Variants in SP140L observed in about 807,000 individuals in gnomAD.
The protein encoded by SP140L is SP140 like nuclear body protein.
In SP140L, 64 loss-of-function variants were observed where a neutral mutation model predicts 84.3. That is an observed-to-expected ratio of 0.76 (90% CI 0.62 to 0.94). The LOEUF (loss-of-function observed/expected upper bound fraction) is 0.94. SP140L is among the 40% of genes least tolerant of loss of function. SP140L has a pLI of 0.00. For missense variants in SP140L, 628 were observed against 692.5 expected (o/e 0.91, Z 1.05); for synonymous variants, 242 against 236.9 (o/e 1.02, Z -0.20).
intron 2 of SP140L, among the ~76,000 whole-genome samples, chr2:230,339,365 C>T (rs1424555707): frequency 2.4e-4 from 36 of 151,638 alleles, no homozygotes; most frequent in African/African-American, 5.3e-4. Flanking sequence ...TTTTTTATTG[C>T]GTCTATTTGA....
intron 5 of SP140L, among the ~76,000 whole-genome samples, chr2:230,363,644 T>C (rs950633744): frequency 6.6e-6 from 1 of 152,196 alleles, no homozygotes; most frequent in Admixed American, 6.5e-5. Context: ...CTGCTGATTG[T>C]TTCCTTGCCC....
intron 2 of SP140L, among the ~76,000 whole-genome samples, chr2:230,349,612 C>A (rs1300243935): frequency 6.6e-6 from 1 of 152,116 alleles, no homozygotes; most frequent in Admixed American, 6.5e-5. Context: ...ATTTTGCCTA[C>A]CTTTAATTTT....
At chr2:230,352,211 A>G (rs1162067521) in intron 2 of SP140L, among the ~76,000 whole-genome samples, 2 of 152,110 alleles carry the variant, frequency 1.3e-5, no homozygotes, top group African/African-American at 2.4e-5. Context: ...AAGAACTAGT[A>G]AGTTTTATAT....
At chr2:230,368,144 T>A (rs1282162275) in intron 5 of SP140L, among the ~76,000 whole-genome samples, 1 of 152,240 alleles carries the variant, frequency 6.6e-6, no homozygotes, top group African/African-American at 2.4e-5. Flanking sequence ...CCTTTAGTAT[T>A]TCTTGTAAAG....
intron 13 of SP140L, among the ~76,000 whole-genome samples, chr2:230,395,114 G>A (rs1178459462): frequency 1.3e-5 from 2 of 152,046 alleles, no homozygotes; most frequent in African/African-American, 2.4e-5. Context: ...GATTACAGGT[G>A]CCTGTCACCA....
In SP140L at chr2:230,352,185, TTATG is replaced by T. The variant is rs1390706190; in HGVS notation, c.108-5618_108-5615del. Among the ~76,000 whole-genome samples, 17 of 152,304 alleles carry T rather than the reference TTATG, an allele frequency of 1.1e-4. No individual in the cohort carries two copies. In the South Asian group the frequency reaches 3.3e-3, roughly 30 times the overall value. ...ATTTAGTCTGAGTATTTTTTTTAAC[TTATG>T]TCTTTCCAAATAAGAACTAGTAAGT... On this transcript the variant is annotated intron_variant, in intron 2 of 18. Coordinates refer to ENST00000415673, the MANE Select transcript of SP140L (RefSeq NM_138402.6).
Position 230,396,784 on chromosome 2 carries a change from T to A in SP140L, c.1183T>A (p.Ser395Thr), listed in dbSNP as rs779786941. 1 of 1,614,046 alleles carries A rather than the reference T, an allele frequency of 6.2e-7. No individual in the cohort carries two copies. Among genetic ancestry groups the A allele is most frequent in the Non-Finnish European group, 8.5e-7 (1 of 1,179,922 alleles). The change falls in exon 14 of 19, where the codon TCA becomes ACA. Residue 395 changes from serine to threonine, a missense_variant. Physicochemically the swap from Ser to Thr is moderately conservative, Grantham distance 58. Around this residue, in one of 4 missense-constraint regions of SP140L, gnomAD observed 525 missense variants for 518.4 expected, o/e 1.01. Coordinates refer to ENST00000415673, the MANE Select transcript of SP140L (RefSeq NM_138402.6). ...KRILKSQNNS[S>T]VDPCMRNLDE... ...AATACTGAAGTCTCAAAACAATAGC[T>A]CAGTTGACCCTTGTGTAAGTATAAA...
chr2:230,401,910 C>T (rs1318127365), intron 18 of SP140L, 103 bp downstream of exon 18: 107 of 1,236,286 alleles, frequency 8.7e-5, no homozygotes, highest in East Asian at 3.5e-4. Context: ...TAAGCTTGCA[C>T]GAGCAAGGGT....
chr2:230,366,710 C>CATTATTATTAT lies in SP140L; in HGVS notation c.524-4198_524-4197insATTATTATTAT, dbSNP rs1553620448. Among the ~76,000 whole-genome samples the CATTATTATTAT allele has an allele frequency of 4.5e-3, 656 of 144,568 alleles. 4 individuals carry two copies. Among genetic ancestry groups the CATTATTATTAT allele is most frequent in the African/African-American group, 9.2e-3 (365 of 39,590 alleles). 94.8% of individuals were successfully genotyped at this position (144,568 alleles called of 152,430 possible). A position where few individuals can be genotyped will look rare whatever the true frequency, so the allele number is the denominator to read the frequency against. The stretch of plus-strand genomic sequence containing the variant: ...TTCTGGTTGTTTTGTGGATTATTAT[C>CATTATTATTAT]TATTATTATTATTATTATTATTATT... On this transcript the variant is annotated intron_variant, in intron 5 of 18. Coordinates refer to ENST00000415673, the MANE Select transcript of SP140L (RefSeq NM_138402.6).
chr2:230,373,114 A>G (rs57647139), intron 7 of SP140L, among the ~76,000 whole-genome samples: 3,923 of 152,332 alleles, frequency 0.026, 183 homozygotes, highest in African/African-American at 0.089. Context: ...TGAAGGTAAC[A>G]CCAGTTGGTT....
intron 2 of SP140L, among the ~76,000 whole-genome samples, chr2:230,342,363 C>T (rs1020155948): frequency 4.6e-5 from 7 of 152,210 alleles, no homozygotes; most frequent in South Asian, 2.1e-4. Flanking sequence ...GCGCACGGTG[C>T]GTGCACCCAC....
chr2:230,383,672 T>C (rs2061480399), intron 8 of SP140L, 97 bp downstream of exon 8: 2 of 1,173,810 alleles, frequency 1.7e-6, no homozygotes, highest in Admixed American at 4.6e-5. Flanking sequence ...GCCAGGAGAG[T>C]TCTGTACTTC....
intron 5 of SP140L, among the ~76,000 whole-genome samples, chr2:230,366,105 A>C (rs934327292): frequency 6.6e-6 from 1 of 152,150 alleles, no homozygotes; most frequent in Admixed American, 6.5e-5. Context: ...GTAGAATAGA[A>C]TGTTCTTTAT....
intron 13 of SP140L, among the ~76,000 whole-genome samples, chr2:230,393,671 G>A (rs192972348): frequency 3.5e-4 from 54 of 152,166 alleles, no homozygotes; most frequent in Non-Finnish European, 7.5e-4. Flanking sequence ...GGATTAAACC[G>A]TATCAGATGG....
chr2:230,339,961 T>C (rs1487883674), intron 2 of SP140L, among the ~76,000 whole-genome samples: 2 of 151,220 alleles, frequency 1.3e-5, no homozygotes, highest in Non-Finnish European at 2.9e-5. Flanking sequence ...AAAAAATGTA[T>C]ATTCTGTTGA....
In SP140L at chr2:230,383,528, G is replaced by T. The variant is rs1409550303; in HGVS notation, c.656G>T (p.Gly219Val). ...TTTGAAGGAAAAAAGAAGGGGCATG[G>T]CTGGAGCAGAATGGGAACGAGAACG... ...KRKRRKKKGHGWSRMGTRTQK... is the reference protein window; with the variant it reads ...KRKRRKKKGHVWSRMGTRTQK... Residue 219 changes from glycine to valine, a missense_variant, in exon 8 of 19, where the codon GGC becomes GTC. Physicochemically the swap from Gly to Val is moderately radical, Grantham distance 109. This residue lies in a region of SP140L where 525 missense variants were observed against 518.4 expected (regional missense o/e 1.01). Coordinates refer to ENST00000415673, the MANE Select transcript of SP140L (RefSeq NM_138402.6). 1 of 1,605,592 alleles carries T rather than the reference G, an allele frequency of 6.2e-7. No homozygotes were observed. The highest frequency in any genetic ancestry group is 8.5e-7 in the Non-Finnish European group (1 of 1,175,970).
At chr2:230,366,710 C>CATTATTAT (rs1553620448) in intron 5 of SP140L, among the ~76,000 whole-genome samples, 3,906 of 144,548 alleles carry the variant, frequency 0.027, 90 homozygotes, top group African/African-American at 0.051. Context: ...GGATTATTAT[C>CATTATTAT]TATTATTATT....
chr2:230,397,604 G>A (rs2062108417), intron 14 of SP140L, among the ~76,000 whole-genome samples: 1 of 152,104 alleles, frequency 6.6e-6, no homozygotes, highest in South Asian at 2.1e-4. Context: ...CCTTTTCATT[G>A]CAGTGAGATG....
chr2:230,334,935 A>T (rs923339256), intron 2 of SP140L, among the ~76,000 whole-genome samples: 2 of 152,006 alleles, frequency 1.3e-5, no homozygotes, highest in African/African-American at 4.8e-5. Context: ...ATATTGTCCT[A>T]AAGTATATTT....
Sources: gnomAD v4.1 joint callset for allele counts (sites outside exome capture counted in the v4.1 genomes callset) on GRCh38, gnomAD v4.1.1 for gene constraint, gnomAD v4.1.1 regional missense constraint, MANE v1.5 for transcripts, NCBI Gene and HGNC (gene_info 2026-07-23, HGNC 2026-07-21) for gene names.